SYN3: variants seen among roughly 807,000 people sequenced by gnomAD.
SYN3 encodes the protein synapsin III.
In SYN3, 35 loss-of-function variants were observed where a neutral mutation model predicts 65.8. The observed-to-expected ratio is 0.53, with a 90% CI of 0.41 to 0.70. The LOEUF is 0.70. SYN3 is among the 30% of genes least tolerant of loss of function. The pLI is 0.00. For synonymous variants in SYN3, 270 were observed against 292.9 expected (o/e 0.92, Z 0.80); for missense variants, 680 against 749.0 (o/e 0.91, Z 1.08).
chr22:32,893,063 A>AG (rs1392716487), intron 4 of SYN3, among the ~76,000 whole-genome samples: 2 of 152,138 alleles, frequency 1.3e-5, no homozygotes, highest in African/African-American at 4.8e-5. Flanking sequence ...CTTCCTCTGG[A>AG]GGCAACATGG....
At chr22:33,029,173 CTT>C (rs133973) in intron 1 of SYN3, among the ~76,000 whole-genome samples, 51,656 of 143,938 alleles carry the variant, frequency 0.36, 9,987 homozygotes, top group Non-Finnish European at 0.45. Context: ...CCAAAGATGA[CTT>C]TTTTTTTTTT....
At chr22:32,528,331 G>A (rs928728649) in intron 11 of SYN3, among the ~76,000 whole-genome samples, 1 of 152,190 alleles carries the variant, frequency 6.6e-6, no homozygotes, top group Admixed American at 6.5e-5. Context: ...GTGGGAGGTG[G>A]AAGTTTGGGG....
At chr22:32,694,263 C>T (rs889347779) in intron 6 of SYN3, among the ~76,000 whole-genome samples, 1 of 152,140 alleles carries the variant, frequency 6.6e-6, no homozygotes, top group East Asian at 1.9e-4. Flanking sequence ...GATGTAGAAA[C>T]TCGGGCAAGC....
At chr22:32,588,596 A>G (rs2146541290) in intron 7 of SYN3, among the ~76,000 whole-genome samples, 1 of 152,332 alleles carries the variant, frequency 6.6e-6, no homozygotes, top group East Asian at 1.9e-4. Flanking sequence ...AATTTATTCT[A>G]TCATCATTAC....
intron 6 of SYN3, among the ~76,000 whole-genome samples, chr22:32,636,262 C>T (rs1361837167): frequency 6.6e-6 from 1 of 151,938 alleles, no homozygotes. Flanking sequence ...ATCAGCCGGG[C>T]GTGGTGGCCA....
At chr22:32,790,722 C>T (rs2046307381) in intron 6 of SYN3, among the ~76,000 whole-genome samples, 1 of 152,046 alleles carries the variant, frequency 6.6e-6, no homozygotes, top group African/African-American at 2.4e-5. Flanking sequence ...CTACTGTGCC[C>T]AGCCAAAATT....
chr22:32,885,759 C>T (rs1278732259), intron 4 of SYN3, among the ~76,000 whole-genome samples: 1 of 152,112 alleles, frequency 6.6e-6, no homozygotes, highest in African/African-American at 2.4e-5. Flanking sequence ...TGGGGTTTCA[C>T]CATGTTGGCT....
intron 7 of SYN3, among the ~76,000 whole-genome samples, chr22:32,576,272 C>T (rs2058849208): frequency 6.6e-6 from 1 of 151,866 alleles, no homozygotes; most frequent in Non-Finnish European, 1.5e-5. Context: ...GAGCATTCAC[C>T]ATGTGCCAAG....
chr22:33,047,232 A>C lies in SYN3; in HGVS notation c.-163+11060T>G, dbSNP rs9609698. Among the ~76,000 whole-genome samples, 3 of 152,196 alleles carry C rather than the reference A, an allele frequency of 2.0e-5. No individual in the cohort carries two copies. The East Asian group carries it at 5.8e-4, about 29-fold the overall frequency. The stretch of plus-strand genomic sequence containing the variant: ...CCTTTCCTCTGAGAATATAAGATGC[A>C]TGAGGGTAACCTTATCTGTACTAGT... On this transcript the variant is annotated intron_variant, in intron 1 of 13. Coordinates refer to ENST00000358763, the MANE Select transcript of SYN3 (RefSeq NM_003490.4).
At chr22:33,003,299 G>C (rs1209685499) in intron 2 of SYN3, among the ~76,000 whole-genome samples, 1 of 152,206 alleles carries the variant, frequency 6.6e-6, no homozygotes, top group Admixed American at 6.5e-5. Context: ...GGAACAGTTT[G>C]GAGGGCTCAG....
chr22:32,925,045 T>G (rs974866586), intron 4 of SYN3, among the ~76,000 whole-genome samples: 2 of 151,958 alleles, frequency 1.3e-5, no homozygotes, highest in African/African-American at 4.8e-5. Context: ...TGAGCAGTGA[T>G]CGCATCACTG....
At position 32,931,435 on chromosome 22, in the gene SYN3, C is replaced by T; in HGVS notation, c.416G>A (p.Cys139Tyr). The T allele has an allele frequency of 1.2e-6, 2 of 1,613,974 alleles. No individual in the cohort carries two copies. The highest frequency in any genetic ancestry group is 1.7e-6 in the Non-Finnish European group (2 of 1,179,846). ...TCTCACGACCTGCATGTCCACCATG[C>T]AGCCCCCGGTCACATAGGCAGCTAG... ...LNLAAYVTGG[C>Y]MVDMQVVRNG... The change falls in exon 4 of 14, where the codon TGC (cysteine) becomes TAC (tyrosine). Residue 139 changes from cysteine to tyrosine, a missense_variant. Coordinates refer to ENST00000358763, the MANE Select transcript of SYN3 (RefSeq NM_003490.4).
At chr22:32,914,592 C>T (rs1667892174) in intron 4 of SYN3, among the ~76,000 whole-genome samples, 1 of 150,884 alleles carries the variant, frequency 6.6e-6, no homozygotes, top group Non-Finnish European at 1.5e-5. Flanking sequence ...CGCCCGCCAC[C>T]ATGCCCGGCT....
intron 7 of SYN3, among the ~76,000 whole-genome samples, chr22:32,575,456 C>T (rs1009508650): frequency 5.3e-5 from 8 of 152,120 alleles, no homozygotes; most frequent in African/African-American, 9.7e-5. Context: ...TTCCAGAGGG[C>T]GGCAGCCTGG....
chr22:32,851,429 G>A (rs758435197), intron 6 of SYN3, among the ~76,000 whole-genome samples: 2 of 152,010 alleles, frequency 1.3e-5, no homozygotes, highest in Non-Finnish European at 2.9e-5. Context: ...GACCAGCCAC[G>A]GGTGGTTGTT....
chr22:32,615,046 G>A (rs1231273713), intron 6 of SYN3, among the ~76,000 whole-genome samples: 2 of 152,054 alleles, frequency 1.3e-5, no homozygotes, highest in East Asian at 1.9e-4. Flanking sequence ...GTTGGGAGCC[G>A]ACAGTGGTGA....
At chr22:32,737,471 C>T (rs2061349622) in intron 6 of SYN3, among the ~76,000 whole-genome samples, 1 of 152,134 alleles carries the variant, frequency 6.6e-6, no homozygotes, top group African/African-American at 2.4e-5. Context: ...CCCCCTCCCC[C>T]AACCCCACAA....
intron 7 of SYN3, among the ~76,000 whole-genome samples, chr22:32,545,776 G>C (rs2058328686): frequency 6.6e-6 from 1 of 152,182 alleles, no homozygotes; most frequent in Admixed American, 6.5e-5. Flanking sequence ...GGCCAGGCTG[G>C]TCTTGAACTC....
chr22:32,605,752 T>C (rs2059363700), intron 6 of SYN3, among the ~76,000 whole-genome samples: 2 of 152,080 alleles, frequency 1.3e-5, no homozygotes, highest in African/African-American at 4.8e-5. Context: ...CTGGAGCACG[T>C]GGGTGGAGGC....
Sources: allele counts gnomAD v4.1 joint callset (sites outside exome capture counted in the v4.1 genomes callset), GRCh38; gene constraint gnomAD v4.1.1; transcripts MANE v1.5; gene names NCBI Gene and HGNC (gene_info 2026-07-23, HGNC 2026-07-21).